Variants in RAB6A observed in about 807,000 individuals in gnomAD.
RAB6A encodes ras-related protein Rab-6A.
In RAB6A, 8 loss-of-function variants were observed where a neutral mutation model predicts 32.3. The ratio of observed to expected loss-of-function variants is 0.25; its 90% CI spans 0.15 to 0.45. RAB6A has a LOEUF of 0.45. RAB6A is among the 20% of genes least tolerant of loss of function. The pLI, the probability that RAB6A is intolerant of heterozygous loss-of-function variation, is 1.00. For synonymous variants in RAB6A, 73 were observed against 82.1 expected, an observed-to-expected ratio of 0.89 and a Z score of 0.60; for missense variants, 104 against 249.4, an observed-to-expected ratio of 0.42 and a Z score of 3.93.
intron 1 of RAB6A, among the ~76,000 whole-genome samples, chr11:73,751,634 T>C (rs1024370952): frequency 6.6e-6 from 1 of 152,288 alleles, no homozygotes; most frequent in African/African-American, 2.4e-5. Context: ...AAGATAATGC[T>C]GCTGAGAAAG....
chr11:73,716,435 C>CA, intron 4 of RAB6A, 73 bp from the exon 5 acceptor site: 5 of 1,063,064 alleles, frequency 4.7e-6, no homozygotes, highest in East Asian at 2.5e-5. Context: ...CACCTCCCTC[C>CA]AAAAAAGCCC....
chr11:73,737,680 G>T (rs1946420964), intron 1 of RAB6A, among the ~76,000 whole-genome samples: 1 of 152,006 alleles, frequency 6.6e-6, no homozygotes, highest in African/African-American at 2.4e-5. Context: ...TACACTAACT[G>T]AAAGAGATCA....
intron 5 of RAB6A, among the ~76,000 whole-genome samples, chr11:73,709,021 A>G (rs1945895692): frequency 6.6e-6 from 1 of 152,216 alleles, no homozygotes; most frequent in Non-Finnish European, 1.5e-5. Context: ...CTCTGTGTAT[A>G]TAAATTTTCT....
intron 6 of RAB6A, among the ~76,000 whole-genome samples, chr11:73,683,198 A>AT (rs1945387341): frequency 6.6e-6 from 1 of 151,322 alleles, no homozygotes; most frequent in Admixed American, 6.6e-5. Context: ...TTGCAGATAC[A>AT]TTTTTTATTT....
At chr11:73,691,341 A>G (rs1565348149) in intron 6 of RAB6A, among the ~76,000 whole-genome samples, 1 of 152,090 alleles carries the variant, frequency 6.6e-6, no homozygotes, top group Non-Finnish European at 1.5e-5. Context: ...CACCCAGCTA[A>G]TTCTTTATTT....
At position 73,758,745 on chromosome 11, in the gene RAB6A, G is replaced by A. The variant is rs557045630; in HGVS notation, c.70+1821C>T. Among the ~76,000 whole-genome samples the A allele has an allele frequency of 2.0e-5, 3 of 152,254 alleles. No individual in the cohort carries two copies. In the South Asian group the frequency reaches 6.2e-4, roughly 32 times the overall value. Reference sequence around the variant, plus strand: ...AAATAGCTGTGCATCACAACATAAGGAAGGCAATAATATCCTTAGAATGCA... The same window carrying A: ...AAATAGCTGTGCATCACAACATAAGAAAGGCAATAATATCCTTAGAATGCA... On this transcript the variant is annotated intron_variant, in intron 1 of 7. Transcript: ENST00000336083.
intron 1 of RAB6A, chr11:73,760,190 G>T: frequency 9.4e-7 from 1 of 1,063,482 alleles, no homozygotes; most frequent in Non-Finnish European, 1.3e-6. Flanking sequence ...GAGGAACTGG[G>T]AAAAGAGCAA....
Position 73,729,176 on chromosome 11 carries a change from G to A in RAB6A, c.129+1589C>T, listed in dbSNP as rs535458774. Among the ~76,000 whole-genome samples the A allele has an allele frequency of 1.1e-4, 17 of 152,210 alleles. No individual in the cohort carries two copies. The East Asian group carries it at 2.7e-3, about 24-fold the overall frequency. On this transcript the variant is annotated intron_variant, in intron 2 of 7. Transcript: ENST00000336083. ...TGCAGTGGTATGATCTCAGCTCATT[G>A]CAACCTCCGCCTCCTGGGTTCAAGC...
intron 1 of RAB6A, among the ~76,000 whole-genome samples, chr11:73,756,993 C>T (rs1365069811): frequency 1.3e-5 from 2 of 149,758 alleles, no homozygotes; most frequent in East Asian, 2.0e-4. Context: ...TTTATTAAAC[C>T]GTAAGAATTT....
intron 1 of RAB6A, chr11:73,759,930 C>A (rs1468419574): frequency 1.2e-6 from 1 of 825,658 alleles, no homozygotes; most frequent in Non-Finnish European, 1.7e-6. Flanking sequence ...CTACCCCTTT[C>A]ACCCCCAACC....
At chr11:73,700,625 A>AGGG (rs1555056781) in intron 6 of RAB6A, among the ~76,000 whole-genome samples, 1 of 20,120 alleles carries the variant, frequency 5.0e-5, no homozygotes, top group African/African-American at 2.3e-4. Flanking sequence ...GGGGGGGGGG[A>AGGG]GGAGGGTAGT....
At chr11:73,702,224 C>T (rs1375105072) in intron 6 of RAB6A, among the ~76,000 whole-genome samples, 1 of 152,180 alleles carries the variant, frequency 6.6e-6, no homozygotes, top group Non-Finnish European at 1.5e-5. Context: ...TGCAGTGGCG[C>T]AATCATGCCT....
chr11:73,720,750 C>T lies in RAB6A; in HGVS notation c.183+96G>A, dbSNP rs540539004. On this transcript the variant is annotated intron_variant, in intron 3 of 7. Transcript: ENST00000336083. ...CTGTAAACTATCTTTGGTAACTTTG[C>T]TAAGTACTTCTTATGGTGACAATCA... 4.1e-6 allele frequency: 4 copies of T among 973,774 alleles called. No individual in the cohort carries two copies. In the South Asian group the frequency reaches 4.5e-5, roughly 11 times the overall value. 60.3% of individuals were successfully genotyped at this position (973,774 alleles called of 1,614,324 possible). A position where few individuals can be genotyped will look rare whatever the true frequency, so the allele number is the denominator to read the frequency against.
chr11:73,754,216 C>G (rs765307489), intron 1 of RAB6A, among the ~76,000 whole-genome samples: 1 of 152,128 alleles, frequency 6.6e-6, no homozygotes, highest in Non-Finnish European at 1.5e-5. Context: ...CTGTATGTAC[C>G]ACGCAGTTTT....
chr11:73,681,845 T>C lies in RAB6A; in HGVS notation c.496-2125A>G, dbSNP rs1293563060. 1.4e-4 allele frequency among the ~76,000 whole-genome samples: 21 copies of C among 151,978 alleles called. 1 individual carries two copies. Among genetic ancestry groups the C allele is most frequent in the Admixed American group, 1.3e-3 (20 of 15,252 alleles). ...CAAAAAAAATGTATAAAGGAGCAAA[T>C]TGTAAAATTTTGATCTGGTAGACAA... On this transcript the variant is annotated intron_variant, in intron 6 of 7. Coordinates refer to ENST00000336083, the MANE Select transcript of RAB6A (RefSeq NM_198896.2).
chr11:73,750,544 G>T (rs1314974459), intron 1 of RAB6A, among the ~76,000 whole-genome samples: 1 of 149,912 alleles, frequency 6.7e-6, no homozygotes, highest in South Asian at 2.1e-4. Context: ...TTAGTAGATG[G>T]GGGGGTTTCT....
rs141170058 is a variant in RAB6A at position 73,697,559 on chromosome 11, C to T, written c.495+9861G>A. Among the ~76,000 whole-genome samples the T allele has an allele frequency of 5.3e-3, 810 of 152,168 alleles. 7 individuals are homozygous for T. Among genetic ancestry groups the T allele is most frequent in the African/African-American group, 0.018 (739 of 41,514 alleles). On this transcript the variant is annotated intron_variant, in intron 6 of 7. Transcript: ENST00000336083. ...GACGGGTTTCACTATGTTGGCCAGG[C>T]TGATCTTGAACTCCTGGCCTCAAGT...
intron 1 of RAB6A, among the ~76,000 whole-genome samples, chr11:73,732,664 G>C (rs1946334308): frequency 6.6e-6 from 1 of 152,128 alleles, no homozygotes; most frequent in African/African-American, 2.4e-5. Context: ...GGAGGCTCAG[G>C]CAACAGAATC....
At chr11:73,699,480 TC>T (rs779343140) in intron 6 of RAB6A, among the ~76,000 whole-genome samples, 15 of 152,084 alleles carry the variant, frequency 9.9e-5, no homozygotes, top group Admixed American at 4.6e-4. Flanking sequence ...AGACAAGTTT[TC>T]CCTTTTTTGC....
Sources: gnomAD v4.1 joint callset for allele counts (sites outside exome capture counted in the v4.1 genomes callset) on GRCh38, gnomAD v4.1.1 for gene constraint, MANE v1.5 for transcripts, NCBI Gene and HGNC (gene_info 2026-07-23, HGNC 2026-07-21) for gene names.